CRB2: variants seen among roughly 807,000 people sequenced by gnomAD.
The protein encoded by CRB2 is crumbs cell polarity complex component 2, also known as protein crumbs homolog 2.
CRB2 carries 85 observed loss-of-function variants against 110.9 expected under a neutral mutation model. That is an observed-to-expected ratio of 0.77 (90% confidence interval 0.64 to 0.92). CRB2 has a LOEUF of 0.92. Ranked by LOEUF, CRB2 falls within the 40% of genes least tolerant of loss-of-function variation. CRB2 has a pLI of 0.00. For missense variants in CRB2, 1,843 were observed against 1,851.3 expected, an observed-to-expected ratio of 1.00 and a Z score of 0.08; for synonymous variants, 907 against 831.0, an observed-to-expected ratio of 1.09 and a Z score of -1.57.
Position 123,356,299 on chromosome 9 carries a change from C to T in CRB2, c.39C>T (p.Ala13=). The change falls in exon 1 of 13, where the codon GCC becomes GCT. Residue 13 remains alanine (A), a synonymous_variant. Coordinates refer to ENST00000373631, the MANE Select transcript of CRB2 (RefSeq NM_173689.7). Reference sequence around the variant, plus strand: ...GGCCTGGGACCCCGGACCCCCAGGCCCTGGCCTCTGTCCTGCTACTGCTGC... The same window carrying T: ...GGCCTGGGACCCCGGACCCCCAGGCTCTGGCCTCTGTCCTGCTACTGCTGC... The part of the protein sequence containing the change: ...LARPGTPDPQ[A]LASVLLLLLW... 6.5e-7 allele frequency: 1 copy of T among 1,545,480 alleles called. No homozygotes were observed. Among genetic ancestry groups the T allele is most frequent in the South Asian group, 1.2e-5 (1 of 83,650 alleles).
chr9:123,361,959 G>C (rs917080890), intron 1 of CRB2, among the ~76,000 whole-genome samples: 1 of 152,188 alleles, frequency 6.6e-6, no homozygotes, highest in Admixed American at 6.5e-5. Context: ...CTTCCAAGCC[G>C]GTTGGTGACC....
chr9:123,359,493 G>A (rs1468829734), intron 1 of CRB2, among the ~76,000 whole-genome samples: 3 of 136,448 alleles, frequency 2.2e-5, no homozygotes, highest in African/African-American at 3.0e-5. Context: ...CTGTTGCCCT[G>A]GCTGCAGTGC....
chr9:123,364,670 G>A (rs751569087), intron 2 of CRB2, among the ~76,000 whole-genome samples: 72 of 152,226 alleles, frequency 4.7e-4, no homozygotes, highest in Non-Finnish European at 9.0e-4. Flanking sequence ...TCTGGCCCCC[G>A]CTTGACCAAA....
At position 123,375,216 on chromosome 9, in the gene CRB2, G is replaced by A. The variant is rs1235798086; in HGVS notation, c.3507-1G>A. ...CTTTCTCAGCCCCCCTCCCTCTCCAGGTGTCAGGTCCCCACTCTCCCCTGT... is the reference window on the plus strand; with the variant it reads ...CTTTCTCAGCCCCCCTCCCTCTCCAAGTGTCAGGTCCCCACTCTCCCCTGT... On this transcript the variant is annotated splice_acceptor_variant, in intron 11 of 12. Transcript: ENST00000373631. LOFTEE classifies it high-confidence loss of function. 6.2e-7 allele frequency: 1 copy of A among 1,612,876 alleles called. No homozygotes were observed. Among genetic ancestry groups the A allele is most frequent in the Non-Finnish European group, 8.5e-7 (1 of 1,179,588 alleles).
At position 123,373,631 on chromosome 9, in the gene CRB2, GC is replaced by G. The variant is rs1359580142; in HGVS notation, c.3104del (p.Pro1035LeufsTer106). On this transcript the variant is annotated frameshift_variant, in exon 10 of 13. Transcript: ENST00000373631. LOFTEE classifies it high-confidence loss of function. Reference sequence around the variant, plus strand: ...CTTGGCGCGGCCCCGGCCCGGCGCGGCCCCTGGCGCCCGAGAGCACTTCGCG... The same window carrying G: ...CTTGGCGCGGCCCCGGCCCGGCGCGGCCCTGGCGCCCGAGAGCACTTCGCG... ...LPLARPRPGA[A>X]PGAREHFASW... The G allele has an allele frequency of 2.2e-6, 3 of 1,370,532 alleles. No individual in the cohort carries two copies. The highest frequency in any genetic ancestry group is 1.8e-5 in the South Asian group (1 of 56,960). The allele number at this position is 1,370,532 out of a possible 1,614,324, so 84.9% of individuals were successfully genotyped here.
rs544588361 is a variant in CRB2 at position 123,372,778 on chromosome 9, C to G, written c.2603-356C>G. ...CCAGATCTGCATTTTACAAAGATGA[C>G]TGGCTGCAGTGAAGGGCAAGCCTCG... On this transcript the variant is annotated intron_variant, in intron 9 of 12. Coordinates refer to ENST00000373631, the MANE Select transcript of CRB2 (RefSeq NM_173689.7). 1.1e-4 allele frequency among the ~76,000 whole-genome samples: 17 copies of G among 152,320 alleles called. No homozygotes were observed. The South Asian group carries it at 3.5e-3, about 32-fold the overall frequency.
chr9:123,358,445 G>T (rs565997538), intron 1 of CRB2, among the ~76,000 whole-genome samples: 4 of 152,224 alleles, frequency 2.6e-5, no homozygotes, highest in African/African-American at 4.8e-5. Context: ...CAGCCAGAAG[G>T]GGGTGGGGGC....
In CRB2 at chr9:123,370,163, C is replaced by T. The variant is rs145948620; in HGVS notation, c.1110C>T (p.Gly370=). The T allele has an allele frequency of 3.4e-5, 55 of 1,608,794 alleles. No individual in the cohort carries two copies. Among genetic ancestry groups the T allele is most frequent in the South Asian group, 1.7e-4 (15 of 90,722 alleles). Residue 370 remains glycine (G), a synonymous_variant, in exon 7 of 13, where the codon GGC becomes GGT. Coordinates refer to ENST00000373631, the MANE Select transcript of CRB2 (RefSeq NM_173689.7). ...DECLSDPCLH[G]GTCSDTVAGY... The stretch of plus-strand genomic sequence containing the variant: ...GCCTGTCGGATCCCTGCCTGCACGG[C>T]GGAACCTGCAGTGACACTGTGGCAG...
At chr9:123,372,472 G>A in intron 9 of CRB2, 130 bp downstream of exon 9, 1 of 1,192,344 alleles carries the variant, frequency 8.4e-7, no homozygotes, top group Non-Finnish European at 1.1e-6. Context: ...CAGTGTGGCG[G>A]GGCCACCGCA....
chr9:123,365,831 C>CT, intron 2 of CRB2, 86 bp from the exon 3 acceptor site: 3 of 1,232,432 alleles, frequency 2.4e-6, no homozygotes, highest in Non-Finnish European at 3.3e-6. Flanking sequence ...CCACGAGTCT[C>CT]TAACTCTGGA....
chr9:123,371,335 C>T lies in CRB2; in HGVS notation c.2193C>T (p.Leu731=). 6.2e-7 allele frequency: 1 copy of T among 1,607,196 alleles called. No individual in the cohort carries two copies. Among genetic ancestry groups the T allele is most frequent in the Non-Finnish European group, 8.5e-7 (1 of 1,176,210 alleles). ...WDDGLRHLVM[L]SFGPDQLQDL... is the part of the protein sequence containing the mutation. ...ATGGGCTCCGTCACCTGGTGATGCT[C>T]AGCTTCGGGCCTGACCAGCTGCAGG... Residue 731 remains leucine (L), a synonymous_variant, in exon 8 of 13, where the codon CTC becomes CTT. Coordinates refer to ENST00000373631, the MANE Select transcript of CRB2 (RefSeq NM_173689.7).
intron 1 of CRB2, 102 bp downstream of exon 1, chr9:123,356,456 G>A (rs1293994457): frequency 4.3e-5 from 38 of 890,524 alleles, no homozygotes; most frequent in East Asian, 8.4e-5. Flanking sequence ...GCTGGTCCGC[G>A]TGGGTGCAGG....
In CRB2 at chr9:123,367,236, G is replaced by A; in HGVS notation, c.819G>A (p.Gly273=). The change falls in exon 5 of 13, where the codon GGG becomes GGA. Residue 273 remains glycine (G), a synonymous_variant. Coordinates refer to ENST00000373631, the MANE Select transcript of CRB2 (RefSeq NM_173689.7). ...GTGCATCGAGCCCCTGCCAGCATGG[G>A]GGCCGATGCCTGCAGCGCTCTGACC... ...DECASSPCQH[G]GRCLQRSDPA... is the part of the protein sequence containing the mutation. 6.3e-7 allele frequency: 1 copy of A among 1,597,762 alleles called. No individual in the cohort carries two copies. The highest frequency in any genetic ancestry group is 8.5e-7 in the Non-Finnish European group (1 of 1,177,470).
At chr9:123,357,684 C>G (rs953443437) in intron 1 of CRB2, among the ~76,000 whole-genome samples, 3 of 152,086 alleles carry the variant, frequency 2.0e-5, no homozygotes, top group Non-Finnish European at 4.4e-5. Flanking sequence ...CGTGAGATCC[C>G]GGTCTGTGGA....
At position 123,370,655 on chromosome 9, in the gene CRB2, G is replaced by A. The variant is rs1195942253; in HGVS notation, c.1602G>A (p.Arg534=). The A allele has an allele frequency of 6.2e-7, 1 of 1,608,180 alleles. No individual in the cohort carries two copies. ...VVLHLATLEL[R]LWHEGCPARL... ...TCCATCTAGCGACCCTGGAGCTACG[G>A]CTCTGGCATGAGGGCTGCCCTGCCC... The change falls in exon 7 of 13, where the codon CGG becomes CGA. Residue 534 remains arginine (R), a synonymous_variant. Coordinates refer to ENST00000373631, the MANE Select transcript of CRB2 (RefSeq NM_173689.7).
chr9:123,366,265 C>A lies in CRB2; in HGVS notation c.653C>A (p.Thr218Lys). 6.7e-7 allele frequency: 1 copy of A among 1,501,116 alleles called. No homozygotes were observed. The highest frequency in any genetic ancestry group is 8.8e-7 in the Non-Finnish European group (1 of 1,136,694). The allele number at this position is 1,501,116 out of a possible 1,614,324, so 93.0% of individuals were successfully genotyped here. A position where few individuals can be genotyped will look rare whatever the true frequency, so the allele number is the denominator to read the frequency against. ...TGCGCGGGCACCGGCTACGAGGGCA[C>A]GCACTGCGAGCGGGAGGTGCTGGAG... ...CDCAGTGYEG[T>K]HCEREVLECA... The change falls in exon 4 of 13, where the codon ACG becomes AAG. Residue 218 changes from threonine to lysine, a missense_variant. Transcript: ENST00000373631.
chr9:123,374,405 G>C (rs541255977), intron 10 of CRB2, among the ~76,000 whole-genome samples, 174 bp from the exon 11 acceptor site: 1 of 133,894 alleles, frequency 7.5e-6, no homozygotes, highest in East Asian at 2.2e-4. Flanking sequence ...TCTGGAAAGC[G>C]AGTGCAACCC....
upstream of CRB2, among the ~76,000 whole-genome samples, chr9:123,355,190 G>A (rs566109006): frequency 2.6e-5 from 4 of 152,284 alleles, no homozygotes; most frequent in Admixed American, 6.5e-5. Context: ...AGATGACCTG[G>A]CTTCCTGAAC....
In CRB2 at chr9:123,371,595, G is replaced by T. The variant is rs377460162; in HGVS notation, c.2436+17G>T. The T allele has an allele frequency of 6.2e-7, 1 of 1,607,968 alleles. No individual in the cohort carries two copies. The highest frequency in any genetic ancestry group is 2.2e-5 in the East Asian group (1 of 44,874). Reference sequence around the variant, plus strand: ...ATGTGCAGTGTAAGTGTCTGGTGGCGGTGGTGGTGGTGGGGTGGGGAGTCC... The same window carrying T: ...ATGTGCAGTGTAAGTGTCTGGTGGCTGTGGTGGTGGTGGGGTGGGGAGTCC... On this transcript the variant is annotated intron_variant, in intron 8 of 12. Transcript: ENST00000373631.
Sources: allele counts gnomAD v4.1 joint callset (sites outside exome capture counted in the v4.1 genomes callset), GRCh38; gene constraint gnomAD v4.1.1; transcripts MANE v1.5; gene names NCBI Gene and HGNC (gene_info 2026-07-23, HGNC 2026-07-21).